The following SCN4A variants were observed in gnomAD, a reference collection of about 807,000 sequenced individuals.
SCN4A encodes the protein sodium channel protein type 4 subunit alpha.
In SCN4A, 83 loss-of-function variants were observed where a neutral mutation model predicts 162.0. The observed-to-expected ratio is 0.51, with a 90% CI of 0.43 to 0.61. The LOEUF (loss-of-function observed/expected upper bound fraction) is 0.61. Ranked by LOEUF, SCN4A falls within the 20% of genes least tolerant of loss-of-function variation. The pLI is 0.00. For missense variants in SCN4A, 2,196 were observed against 2,462.5 expected (o/e 0.89, Z 2.29); for synonymous variants, 944 against 985.1 (o/e 0.96, Z 0.78).
intron 4 of SCN4A, among the ~76,000 whole-genome samples, chr17:63,971,474 C>G (rs187862931): frequency 6.6e-6 from 1 of 152,126 alleles, no homozygotes; most frequent in South Asian, 2.1e-4. Context: ...AAAGATAGCC[C>G]GGCTCACCCA....
chr17:63,958,621 C>T lies in SCN4A; in HGVS notation c.2019+644G>A, dbSNP rs574535617. ...AGGCTGGAGTGCAGTGGTGCGATCT[C>T]GGCTCACTGCAACCTCAGCCTTCCG... On this transcript the variant is annotated intron_variant, in intron 12 of 23. Coordinates refer to ENST00000435607, the MANE Select transcript of SCN4A (RefSeq NM_000334.4). Among the ~76,000 whole-genome samples, 34 of 152,204 alleles carry T rather than the reference C, an allele frequency of 2.2e-4. No individual in the cohort carries two copies. The East Asian group carries it at 6.4e-3, about 29-fold the overall frequency.
At chr17:63,942,037 G>T in intron 23 of SCN4A, 44 bp from the exon 24 acceptor site, 1 of 1,514,310 alleles carries the variant, frequency 6.6e-7, no homozygotes. Context: ...GGGGAGGGGG[G>T]CCGGCACAGG....
rs377187913 is a variant in SCN4A, at chr17:63,947,126, C to T, written c.3360G>A (p.Ser1120=). The T allele has an allele frequency of 2.3e-4, 365 of 1,613,454 alleles. No individual in the cohort carries two copies. Among genetic ancestry groups the T allele is most frequent in the Non-Finnish European group, 2.4e-4 (289 of 1,179,786 alleles). Residue 1120 remains serine, a synonymous_variant, in exon 18 of 24, where the codon TCG becomes TCA. Coordinates refer to ENST00000435607, the MANE Select transcript of SCN4A (RefSeq NM_000334.4). ...GCAGGGATTTGATGGGTCCCAGCTC[C>T]GAGTAGCCCAGCCAGTTGGCCACCA... ...ISLVANWLGY[S]ELGPIKSLRT...
At position 63,957,630 on chromosome 17, in the gene SCN4A, A is replaced by G; in HGVS notation, c.2020-112T>C. 5 of 674,878 alleles carry G rather than the reference A, an allele frequency of 7.4e-6. No individual in the cohort carries two copies. In the South Asian group the frequency reaches 9.2e-5, roughly 12 times the overall value. 41.8% of individuals were successfully genotyped at this position (674,878 alleles called of 1,614,324 possible). On this transcript the variant is annotated intron_variant, in intron 12 of 23. Coordinates refer to ENST00000435607, the MANE Select transcript of SCN4A (RefSeq NM_000334.4). ...GTAGCTTGAATCTCCAGCCCCCCAC[A>G]CCATCTGAGTCCTCAGTGTGCCCTT...
At chr17:63,961,030 C>A (rs1425726314) in intron 11 of SCN4A, among the ~76,000 whole-genome samples, 163 bp downstream of exon 11, 1 of 147,176 alleles carries the variant, frequency 6.8e-6, no homozygotes, top group Non-Finnish European at 1.5e-5. Flanking sequence ...CCAAGTACCC[C>A]CCCCCACATC....
chr17:63,949,453 G>A lies in SCN4A; in HGVS notation c.2929C>T (p.Pro977Ser), dbSNP rs370211595. ...GGGTTCTCCTCTGCCTGCTCCTCAGGGTCCTCCTCGGGGGGCTTGTAGTCA... is the reference window on the plus strand; with the variant it reads ...GGGTTCTCCTCTGCCTGCTCCTCAGAGTCCTCCTCGGGGGGCTTGTAGTCA... ...TADYKPPEED[P>S]EEQAEENPEG... is the part of the protein sequence containing the mutation. Residue 977 changes from proline to serine, a missense_variant, in exon 15 of 24, where the codon CCT becomes TCT. Coordinates refer to ENST00000435607, the MANE Select transcript of SCN4A (RefSeq NM_000334.4). The A allele has an allele frequency of 6.2e-7, 1 of 1,609,916 alleles. No individual in the cohort carries two copies. The highest frequency in any genetic ancestry group is 8.5e-7 in the Non-Finnish European group (1 of 1,178,014).
At position 63,972,833 on chromosome 17, in the gene SCN4A, T is replaced by A; in HGVS notation, c.9A>T (p.Arg3Ser). The A allele has an allele frequency of 6.2e-7, 1 of 1,609,620 alleles. No homozygotes were observed. The highest frequency in any genetic ancestry group is 8.5e-7 in the Non-Finnish European group (1 of 1,177,226). Reference protein sequence around the residue: MARPSLCTLVPLG... With the variant: MASPSLCTLVPLG... ...GAGGCACCAGGGTGCACAGAGATGG[T>A]CTGGCCATCCTCGCATCCTGGGCTC... Residue 3 changes from arginine (R) to serine (S), a missense_variant, in exon 1 of 24, where the codon AGA (arginine) becomes AGT (serine). By Grantham distance (110) the Arg-to-Ser change is moderately radical (BLOSUM62 -1). Coordinates refer to ENST00000435607, the MANE Select transcript of SCN4A (RefSeq NM_000334.4). The surrounding 1 kb of genome is among the most constrained non-coding windows in gnomAD (Gnocchi z 4.3).
chr17:63,951,798 C>A lies in SCN4A; in HGVS notation c.2479G>T (p.Gly827Trp), dbSNP rs1028907866. Residue 827 changes from glycine (G) to tryptophan (W), a missense_variant, in exon 14 of 24, where the codon GGG becomes TGG. Gly to Trp is a radical substitution (Grantham distance 184, BLOSUM62 -2). Coordinates refer to ENST00000435607, the MANE Select transcript of SCN4A (RefSeq NM_000334.4). This position sits in a 1 kb window ranked among gnomAD's most constrained non-coding sequence, Gnocchi z 4.5. ...GEMNNLQIAI[G>W]RIKLGIGFAK... ...AAGCCGATGCCCAACTTGATGCGCC[C>A]GATGGCAATCTGCAGGTTGTTCATC... The A allele has an allele frequency of 1.9e-6, 3 of 1,583,698 alleles. No homozygotes were observed. Among genetic ancestry groups the A allele is most frequent in the Non-Finnish European group, 2.6e-6 (3 of 1,164,982 alleles).
In SCN4A at chr17:63,968,095, C is replaced by G; in HGVS notation, c.964G>C (p.Asp322His). 6.2e-7 allele frequency: 1 copy of G among 1,613,908 alleles called. No individual in the cohort carries two copies. The stretch of plus-strand genomic sequence containing the variant: ...CAGCTTGCATGGCTGTTCCACGTGT[C>G]GTTGGCATACCATGAGTCATTGCCG... Reference protein sequence around the residue: ...WYGNDSWYANDTWNSHASWAT... With the variant: ...WYGNDSWYANHTWNSHASWAT... The change falls in exon 6 of 24, where the codon GAC (aspartate) becomes CAC (histidine). Residue 322 changes from aspartate to histidine, a missense_variant. Transcript: ENST00000435607.
rs889563040 is a variant in SCN4A at position 63,942,131 on chromosome 17, T to C, written c.4289-138A>G. 7 of 846,350 alleles carry C rather than the reference T, an allele frequency of 8.3e-6. No homozygotes were observed. In the African/African-American group the frequency reaches 8.6e-5, roughly 10 times the overall value. 52.4% of individuals were successfully genotyped at this position (846,350 alleles called of 1,614,324 possible). On this transcript the variant is annotated intron_variant, in intron 23 of 23. Coordinates refer to ENST00000435607, the MANE Select transcript of SCN4A (RefSeq NM_000334.4). Reference sequence around the variant, plus strand: ...GAGCACAGCCCAGATGACTGACAGGTGAGGCTGGGCTCTCCCACGGGTCTT... The same window carrying C: ...GAGCACAGCCCAGATGACTGACAGGCGAGGCTGGGCTCTCCCACGGGTCTT...
Position 63,971,917 on chromosome 17 carries a change from A to AC in SCN4A, c.483-68dup. On this transcript the variant is annotated intron_variant, in intron 3 of 23. Transcript: ENST00000435607. ...GTAGGGGTCAGTGTGGCAACGACAG[A>AC]CCCCCAGAAGGGAGGGACACAGAAA... 2.6e-6 allele frequency: 4 copies of AC among 1,536,174 alleles called. No individual in the cohort carries two copies. In the South Asian group the frequency reaches 3.4e-5, roughly 13 times the overall value.
chr17:63,965,581 C>T (rs758979806), intron 8 of SCN4A, among the ~76,000 whole-genome samples: 6 of 152,190 alleles, frequency 3.9e-5, no homozygotes, highest in Non-Finnish European at 7.3e-5. Context: ...CTCCGCCTCC[C>T]GGGTTCAAGC....
intron 22 of SCN4A, 92 bp downstream of exon 22, chr17:63,943,654 G>C: frequency 2.6e-6 from 2 of 782,364 alleles, no homozygotes; most frequent in South Asian, 1.7e-5. Flanking sequence ...ACACAGCCTG[G>C]TGGGTGGAAG....
intron 22 of SCN4A, among the ~76,000 whole-genome samples, 170 bp downstream of exon 22, chr17:63,943,576 A>C (rs1908615767): frequency 6.6e-6 from 1 of 151,982 alleles, no homozygotes; most frequent in Non-Finnish European, 1.5e-5. Context: ...TGGCACTACA[A>C]AGAGGCGTCC....
chr17:63,945,479 A>C lies in SCN4A; in HGVS notation c.3601T>G (p.Ser1201Ala). 6.2e-7 allele frequency: 1 copy of C among 1,613,956 alleles called. No individual in the cohort carries two copies. The highest frequency in any genetic ancestry group is 8.5e-7 in the Non-Finnish European group (1 of 1,179,876). ...NTTTSERFDI[S>A]EVNNKSECES... Reference sequence around the variant, plus strand: ...CACTCAGACTTGTTGTTGACCTCGGAGATGTCGAACCTCTCAGAGGTGGTG... The same window carrying C: ...CACTCAGACTTGTTGTTGACCTCGGCGATGTCGAACCTCTCAGAGGTGGTG... The change falls in exon 19 of 24, where the codon TCC becomes GCC. Residue 1201 changes from serine (S) to alanine (A), a missense_variant. Coordinates refer to ENST00000435607, the MANE Select transcript of SCN4A (RefSeq NM_000334.4). The surrounding 1 kb of genome is among the most constrained non-coding windows in gnomAD (Gnocchi z 4.4).
In SCN4A at chr17:63,961,311, A is replaced by G. The variant is rs1360545929; in HGVS notation, c.1727T>C (p.Met576Thr). The stretch of plus-strand genomic sequence containing the variant: ...GATGCCCAGGTCCACGAACGGGTCC[A>G]TGACGATCAGGTGGATGATGTTCTT... ...KFKNIIHLIVMDPFVDLGITI... is the reference protein window; with the variant it reads ...KFKNIIHLIVTDPFVDLGITI... Residue 576 changes from methionine to threonine, a missense_variant, in exon 11 of 24, where the codon ATG (methionine) becomes ACG (threonine). Physicochemically the swap from Met to Thr is moderately conservative, Grantham distance 81. Coordinates refer to ENST00000435607, the MANE Select transcript of SCN4A (RefSeq NM_000334.4). 6.2e-7 allele frequency: 1 copy of G among 1,613,644 alleles called. No individual in the cohort carries two copies. The highest frequency in any genetic ancestry group is 8.5e-7 in the Non-Finnish European group (1 of 1,179,832).
In SCN4A at chr17:63,949,475, G is replaced by C. The variant is rs1317261462; in HGVS notation, c.2907C>G (p.Asp969Glu). Residue 969 changes from aspartate to glutamate, a missense_variant, in exon 15 of 24, where the codon GAC becomes GAG. Transcript: ENST00000435607. ...DGNSSVCSTA[D>E]YKPPEEDPEE... is the part of the protein sequence containing the mutation. ...CAGGGTCCTCCTCGGGGGGCTTGTAGTCAGCTGTGCTGCAGACGGACGAGT... is the reference window on the plus strand; with the variant it reads ...CAGGGTCCTCCTCGGGGGGCTTGTACTCAGCTGTGCTGCAGACGGACGAGT... 6.2e-7 allele frequency: 1 copy of C among 1,612,656 alleles called. No individual in the cohort carries two copies. Among genetic ancestry groups the C allele is most frequent in the Non-Finnish European group, 8.5e-7 (1 of 1,179,292 alleles).
rs762281432 is a variant in SCN4A, at chr17:63,948,774, G to A, written c.2990-9C>T. 6.3e-7 allele frequency: 1 copy of A among 1,593,930 alleles called. No individual in the cohort carries two copies. The highest frequency in any genetic ancestry group is 2.3e-5 in the East Asian group (1 of 44,394). On this transcript the variant is annotated splice_polypyrimidine_tract_variant and intron_variant, in intron 15 of 23. Transcript: ENST00000435607. ...CCAGCGCTGCACGCAGGCTGATGGGGTGAGGGGGGACAGGGACAGGCACCA... is the reference window on the plus strand; with the variant it reads ...CCAGCGCTGCACGCAGGCTGATGGGATGAGGGGGGACAGGGACAGGCACCA...
rs1243420084 is a variant in SCN4A at position 63,938,688 on chromosome 17, G to A, written c.*2083C>T. On this transcript the variant is annotated 3_prime_UTR_variant, in exon 24 of 24. Transcript: ENST00000435607. ...GCAGGGGAGGGGCCACAGGCAGGGA[G>A]AGGCCGGACCCGGCTCATCTACTCT... The A allele has an allele frequency of 6.5e-6, 1 of 153,032 alleles. No individual in the cohort carries two copies. The highest frequency in any genetic ancestry group is 2.4e-5 in the African/African-American group (1 of 41,480). The allele number at this position is 153,032 out of a possible 1,614,324, so 9.5% of individuals were successfully genotyped here.
Sources: gnomAD v4.1 joint callset for allele counts (sites outside exome capture counted in the v4.1 genomes callset) on GRCh38, gnomAD v4.1.1 for gene constraint, Gnocchi (gnomAD v3.1) non-coding constraint, MANE v1.5 for transcripts, NCBI Gene and HGNC (gene_info 2026-07-23, HGNC 2026-07-21) for gene names.